Variants in CSMD1 observed in about 807,000 individuals in gnomAD.
The protein encoded by CSMD1 is CUB and sushi domain-containing protein 1.
Under a neutral mutation model 417.5 loss-of-function variants are expected in CSMD1, and 213 were observed. The ratio of observed to expected loss-of-function variants is 0.51; its 90% CI spans 0.46 to 0.57. CSMD1 has a LOEUF of 0.57. Among genes scored for constraint, CSMD1 ranks in the 20% least tolerant of loss-of-function variants. The pLI is 0.00. For synonymous variants in CSMD1, 2,862 were observed against 1,736.8 expected, an observed-to-expected ratio of 1.65 and a Z score of -16.11; for missense variants, 6,923 against 4,529.7, an observed-to-expected ratio of 1.53 and a Z score of -15.17.
chr8:3,220,184 A>G (rs1206387148), intron 28 of CSMD1, among the ~76,000 whole-genome samples: 1 of 150,620 alleles, frequency 6.6e-6, no homozygotes, highest in African/African-American at 2.5e-5. Flanking sequence ...GCGTGGATAA[A>G]TCAGCGAATA....
chr8:3,943,958 A>G (rs1009808566), intron 5 of CSMD1, among the ~76,000 whole-genome samples: 1 of 152,144 alleles, frequency 6.6e-6, no homozygotes, highest in Non-Finnish European at 1.5e-5. Flanking sequence ...GTAAAATTTG[A>G]ATTAGGTCTG....
At chr8:4,472,620 C>T (rs1226148320) in intron 2 of CSMD1, among the ~76,000 whole-genome samples, 1 of 151,838 alleles carries the variant, frequency 6.6e-6, no homozygotes, top group Non-Finnish European at 1.5e-5. Context: ...AGATATTCTG[C>T]AAACAATAAG....
chr8:3,202,603 T>C (rs1310917170), intron 31 of CSMD1, among the ~76,000 whole-genome samples: 3 of 152,230 alleles, frequency 2.0e-5, no homozygotes, highest in African/African-American at 7.2e-5. Context: ...AATTCTTTTC[T>C]TATTTATTGT....
At chr8:4,682,985 T>C in intron 1 of CSMD1, among the ~76,000 whole-genome samples, 1 of 110,350 alleles carries the variant, frequency 9.1e-6, no homozygotes, top group Non-Finnish European at 1.9e-5. Context: ...TATATATATA[T>C]ATATATATAG....
intron 7 of CSMD1, among the ~76,000 whole-genome samples, chr8:3,655,385 A>G (rs1216424449): frequency 2.0e-5 from 3 of 152,212 alleles, no homozygotes; most frequent in African/African-American, 7.2e-5. Context: ...ATTTTTCACT[A>G]TTACTCTAGT....
At chr8:4,084,461 G>T (rs565953962) in intron 3 of CSMD1, among the ~76,000 whole-genome samples, 1 of 152,020 alleles carries the variant, frequency 6.6e-6, no homozygotes, top group African/African-American at 2.4e-5. Flanking sequence ...TGTTGTAATT[G>T]CTAAATCATT....
intron 5 of CSMD1, among the ~76,000 whole-genome samples, chr8:3,765,718 C>A (rs1328804998): frequency 6.6e-6 from 1 of 152,212 alleles, no homozygotes; most frequent in Non-Finnish European, 1.5e-5. Flanking sequence ...AGCACTGCAG[C>A]CTTGCAGGTG....
rs959595505 is a variant in CSMD1 at position 4,312,437 on chromosome 8, G to A, written c.415+107516C>T. Among the ~76,000 whole-genome samples, 8 of 107,666 alleles carry A rather than the reference G, an allele frequency of 7.4e-5. 1 individual carries two copies. Among genetic ancestry groups the A allele is most frequent in the African/African-American group, 5.3e-4 (8 of 15,032 alleles). 70.6% of individuals were successfully genotyped at this position (107,666 alleles called of 152,430 possible). On this transcript the variant is annotated intron_variant, in intron 3 of 69. Coordinates refer to ENST00000635120, the MANE Select transcript of CSMD1 (RefSeq NM_033225.6). Reference sequence around the variant, plus strand: ...TATATATATGCGCGTATATATATATGCGTATATATATACGTATATATATGC... The same window carrying A: ...TATATATATGCGCGTATATATATATACGTATATATATACGTATATATATGC...
chr8:3,435,320 C>T (rs953126390), intron 12 of CSMD1, among the ~76,000 whole-genome samples: 2 of 152,164 alleles, frequency 1.3e-5, no homozygotes, highest in African/African-American at 4.8e-5. Context: ...AAGCATGGGG[C>T]AGAGGGGCTG....
At chr8:3,269,631 C>A (rs181474519) in intron 26 of CSMD1, among the ~76,000 whole-genome samples, 4 of 152,136 alleles carry the variant, frequency 2.6e-5, no homozygotes, top group African/African-American at 9.7e-5. Flanking sequence ...CCATTTTTCC[C>A]TGGGACTGGG....
At chr8:3,510,018 T>C (rs1796996920) in intron 10 of CSMD1, among the ~76,000 whole-genome samples, 1 of 152,222 alleles carries the variant, frequency 6.6e-6, no homozygotes, top group Non-Finnish European at 1.5e-5. Context: ...CGTATACAAG[T>C]CGCGTATCCA....
rs147375738 is a variant in CSMD1 at position 3,540,092 on chromosome 8, T to C, written c.1344+34853A>G. Reference sequence around the variant, plus strand: ...GGCTCATAAATAGGCTTCTCTGTGATTCTAGTTGCTTGTAGACTTGTTTAC... The same window carrying C: ...GGCTCATAAATAGGCTTCTCTGTGACTCTAGTTGCTTGTAGACTTGTTTAC... On this transcript the variant is annotated intron_variant, in intron 10 of 69. Transcript: ENST00000635120. Among the ~76,000 whole-genome samples, 935 of 152,334 alleles carry C rather than the reference T, an allele frequency of 6.1e-3. 8 individuals are homozygous for C. The highest frequency in any genetic ancestry group is 0.034 in the Middle Eastern group (10 of 294).
chr8:3,766,376 C>T (rs1285432202), intron 5 of CSMD1, among the ~76,000 whole-genome samples: 2 of 152,118 alleles, frequency 1.3e-5, no homozygotes, highest in Non-Finnish European at 1.5e-5. Context: ...ACCTGGAAAA[C>T]GAAACCTCCA....
chr8:2,955,651 C>G lies in CSMD1; in HGVS notation c.9932G>C (p.Gly3311Ala). ...TCHPGFFLAG[G>A]SEHRTCKADM... Reference sequence around the variant, plus strand: ...TGCTTTACATGTTCTGTGCTCAGATCCCCCTGCGAGGAAAAAGCCTGGATG... The same window carrying G: ...TGCTTTACATGTTCTGTGCTCAGATGCCCCTGCGAGGAAAAAGCCTGGATG... The change falls in exon 64 of 70, where the codon GGA becomes GCA. Residue 3311 changes from glycine to alanine, a missense_variant. Coordinates refer to ENST00000635120, the MANE Select transcript of CSMD1 (RefSeq NM_033225.6). 1 of 1,613,890 alleles carries G rather than the reference C, an allele frequency of 6.2e-7. No individual in the cohort carries two copies. The highest frequency in any genetic ancestry group is 8.5e-7 in the Non-Finnish European group (1 of 1,179,836).
intron 5 of CSMD1, among the ~76,000 whole-genome samples, chr8:3,973,016 C>A (rs925100790): frequency 6.6e-6 from 1 of 152,210 alleles, no homozygotes; most frequent in Non-Finnish European, 1.5e-5. Flanking sequence ...TTATTTTTCT[C>A]TTCTAACAGT....
At chr8:4,629,276 C>T (rs1192537782) in intron 2 of CSMD1, among the ~76,000 whole-genome samples, 16 of 152,094 alleles carry the variant, frequency 1.1e-4, no homozygotes, top group Admixed American at 1.0e-3. Context: ...AATTTAATAT[C>T]CTACCAATAG....
chr8:4,111,930 T>G (rs751571538), intron 3 of CSMD1, among the ~76,000 whole-genome samples: 4 of 152,118 alleles, frequency 2.6e-5, no homozygotes, highest in Non-Finnish European at 5.9e-5. Flanking sequence ...TTAAAATAAA[T>G]AAAGTATGGC....
chr8:3,367,632 G>GA (rs1809683945), intron 19 of CSMD1, among the ~76,000 whole-genome samples: 1 of 151,788 alleles, frequency 6.6e-6, no homozygotes, highest in Non-Finnish European at 1.5e-5. Context: ...CTTTAGAAAT[G>GA]AAAAAAAGCA....
intron 25 of CSMD1, among the ~76,000 whole-genome samples, chr8:3,295,276 C>T (rs893017923): frequency 6.6e-6 from 1 of 151,976 alleles, no homozygotes; most frequent in Non-Finnish European, 1.5e-5. Flanking sequence ...AGGTGCCCAC[C>T]ACCACACATG....
Sources: allele counts gnomAD v4.1 joint callset (sites outside exome capture counted in the v4.1 genomes callset), GRCh38; gene constraint gnomAD v4.1.1; transcripts MANE v1.5; gene names NCBI Gene and HGNC (gene_info 2026-07-23, HGNC 2026-07-21).